PRR5L: variants seen among roughly 807,000 people sequenced by gnomAD.
PRR5L encodes proline-rich protein 5-like.
A neutral mutation model predicts 36.4 loss-of-function variants in PRR5L; 21 were observed. The observed-to-expected ratio is 0.58, with a 90% CI of 0.41 to 0.83. PRR5L has a LOEUF of 0.83. Among genes scored for constraint, PRR5L ranks in the 40% least tolerant of loss-of-function variants. The probability of loss-of-function intolerance (pLI) is 0.00; values close to 1 mark genes in which losing one functional copy is unlikely to be tolerated. For missense variants in PRR5L, 381 were observed against 473.3 expected (o/e 0.80, Z 1.81); for synonymous variants, 188 against 197.0 (o/e 0.95, Z 0.38).
intron 6 of PRR5L, among the ~76,000 whole-genome samples, chr11:36,439,439 C>A (rs1370066679): frequency 3.3e-5 from 5 of 152,076 alleles, no homozygotes; most frequent in Non-Finnish European, 1.5e-5. Flanking sequence ...GATCTGGCAA[C>A]AATTAATATT....
chr11:36,441,059 C>T (rs755463786), intron 6 of PRR5L, among the ~76,000 whole-genome samples: 7 of 152,162 alleles, frequency 4.6e-5, no homozygotes, highest in African/African-American at 1.2e-4. Flanking sequence ...CATTTCAACA[C>T]GACGTTTGGA....
At chr11:36,410,207 G>T (rs903530996) in intron 3 of PRR5L, among the ~76,000 whole-genome samples, 14 of 152,198 alleles carry the variant, frequency 9.2e-5, no homozygotes, top group African/African-American at 3.4e-4. Flanking sequence ...GGCGCATGTG[G>T]TTTGGCCTAA....
chr11:36,401,085 T>C lies in PRR5L; in HGVS notation c.-37T>C, dbSNP rs1857782566. 6.2e-7 allele frequency: 1 copy of C among 1,606,950 alleles called. No homozygotes were observed. The highest frequency in any genetic ancestry group is 2.2e-5 in the East Asian group (1 of 44,716). On this transcript the variant is annotated 5_prime_UTR_variant, in exon 2 of 9. Coordinates refer to ENST00000530639, the MANE Select transcript of PRR5L (RefSeq NM_001160167.2). ...CTTTCCGAGGGCATTCGGAACCTTC[T>C]GGTCCTAGAGGTGAAGCTGAACTGT...
At chr11:36,303,630 T>C (rs1311896493) in intron 1 of PRR5L, among the ~76,000 whole-genome samples, 1 of 152,210 alleles carries the variant, frequency 6.6e-6, no homozygotes, top group East Asian at 1.9e-4. Flanking sequence ...CCACAGCTCC[T>C]GGTCCCTTCC....
At chr11:36,446,100 G>A (rs887315703) in intron 6 of PRR5L, among the ~76,000 whole-genome samples, 200 bp from the exon 7 acceptor site, 2 of 152,208 alleles carry the variant, frequency 1.3e-5, no homozygotes, top group South Asian at 4.1e-4. Flanking sequence ...AGGTAGGCAG[G>A]TTGAGTCATG....
At chr11:36,332,751 T>C (rs1856731862) in intron 1 of PRR5L, among the ~76,000 whole-genome samples, 1 of 152,084 alleles carries the variant, frequency 6.6e-6, no homozygotes, top group Admixed American at 6.6e-5. Flanking sequence ...GCCTGGCACC[T>C]CCTCCTCCTG....
At chr11:36,316,382 GT>G (rs1282084559) in intron 1 of PRR5L, among the ~76,000 whole-genome samples, 1 of 152,176 alleles carries the variant, frequency 6.6e-6, no homozygotes. Flanking sequence ...TGGAGAAAGA[GT>G]AATTCATGCA....
At chr11:36,403,248 G>A (rs374368548) in intron 2 of PRR5L, 50 bp from the exon 3 acceptor site, 1 of 1,539,094 alleles carries the variant, frequency 6.5e-7, no homozygotes, top group African/African-American at 1.4e-5. Flanking sequence ...CTATTGAAAT[G>A]GCCCAAGAAG....
At chr11:36,382,435 A>G (rs1236483977) in intron 1 of PRR5L, among the ~76,000 whole-genome samples, 1 of 152,222 alleles carries the variant, frequency 6.6e-6, no homozygotes, top group Non-Finnish European at 1.5e-5. Flanking sequence ...TGGCCAAGGA[A>G]GCATGGTCTA....
chr11:36,297,226 G>A (rs1227828456), intron 1 of PRR5L: 1 of 152,212 alleles, frequency 6.6e-6, no homozygotes, highest in Non-Finnish European at 1.5e-5. Context: ...CAGCCCTGCT[G>A]GTCTGGAGTT....
At chr11:36,433,348 T>C (rs1305523257) in intron 5 of PRR5L, among the ~76,000 whole-genome samples, 1 of 152,200 alleles carries the variant, frequency 6.6e-6, no homozygotes, top group Non-Finnish European at 1.5e-5. Context: ...TGGAATCATA[T>C]GGTGTTTGTC....
rs1565407398 is a variant in PRR5L at position 36,351,303 on chromosome 11, TATATTTA to T, written c.-125-49693_-125-49687del. Reference sequence around the variant, plus strand: ...ATATGTATATTTATATATTTATATATATATTTATATATATTTATAAATATTTATATAT... The same window carrying T: ...ATATGTATATTTATATATTTATATATTATATATTTATAAATATTTATATAT... On this transcript the variant is annotated intron_variant, in intron 1 of 8. Transcript: ENST00000530639. Among the ~76,000 whole-genome samples, 33 of 74,462 alleles carry T rather than the reference TATATTTA, an allele frequency of 4.4e-4. No homozygotes were observed. In the East Asian group the frequency reaches 0.01, roughly 23 times the overall value. The allele number at this position is 74,462 out of a possible 152,430, so 48.8% of individuals were successfully genotyped here.
chr11:36,356,468 T>C (rs1812800636), intron 1 of PRR5L, among the ~76,000 whole-genome samples: 1 of 152,210 alleles, frequency 6.6e-6, no homozygotes, highest in South Asian at 2.1e-4. Flanking sequence ...TACCTTGTTT[T>C]ATTCTGCTTC....
intron 6 of PRR5L, among the ~76,000 whole-genome samples, chr11:36,443,252 G>A (rs747832282): frequency 6.6e-6 from 1 of 152,144 alleles, no homozygotes; most frequent in Non-Finnish European, 1.5e-5. Context: ...GGGGGAAGAG[G>A]CACCAGGCTC....
Position 36,462,496 on chromosome 11 carries a change from G to A in PRR5L, c.867G>A (p.Arg289=). The A allele has an allele frequency of 6.2e-7, 1 of 1,608,148 alleles. No homozygotes were observed. The highest frequency in any genetic ancestry group is 1.1e-5 in the South Asian group (1 of 90,114). Reference sequence around the variant, plus strand: ...TGGAGAAGTGTGGCAGCGTGCGGCGGCACACGGTGGCCAATGCCCACTCGG... The same window carrying A: ...TGGAGAAGTGTGGCAGCGTGCGGCGACACACGGTGGCCAATGCCCACTCGG... The part of the protein sequence containing the change: ...AYLEKCGSVR[R]HTVANAHSDI... Residue 289 remains arginine, a synonymous_variant, in exon 9 of 9, where the codon CGG becomes CGA. Transcript: ENST00000530639.
chr11:36,450,196 C>T (rs1858915299), intron 7 of PRR5L, among the ~76,000 whole-genome samples: 1 of 152,206 alleles, frequency 6.6e-6, no homozygotes, highest in Admixed American at 6.5e-5. Context: ...TGCCTCATTA[C>T]CTGAACAGCT....
At chr11:36,424,087 G>GA (rs1015727436) in intron 4 of PRR5L, among the ~76,000 whole-genome samples, 2 of 152,026 alleles carry the variant, frequency 1.3e-5, no homozygotes, top group Non-Finnish European at 2.9e-5. Flanking sequence ...AGTCTCCGTG[G>GA]AAAAAAATGG....
chr11:36,305,898 A>G (rs927277518), intron 1 of PRR5L, among the ~76,000 whole-genome samples: 1 of 152,216 alleles, frequency 6.6e-6, no homozygotes, highest in African/African-American at 2.4e-5. Flanking sequence ...TATATGAATT[A>G]TATTTCAATA....
chr11:36,456,937 G>A (rs1232146141), intron 8 of PRR5L, among the ~76,000 whole-genome samples: 1 of 152,216 alleles, frequency 6.6e-6, no homozygotes, highest in East Asian at 1.9e-4. Flanking sequence ...TTTGTTGAAG[G>A]TGGGGACAGG....
Sources: allele counts gnomAD v4.1 joint callset (sites outside exome capture counted in the v4.1 genomes callset), GRCh38; gene constraint gnomAD v4.1.1; transcripts MANE v1.5; gene names NCBI Gene and HGNC (gene_info 2026-07-23, HGNC 2026-07-21).